TPTE2: variants seen among roughly 807,000 people sequenced by gnomAD.
The protein encoded by TPTE2 is phosphatidylinositol 3,4,5-trisphosphate 3-phosphatase TPTE2.
Under a neutral mutation model 78.6 loss-of-function variants are expected in TPTE2, and 53 were observed. The ratio of observed to expected loss-of-function variants is 0.67; its 90% CI spans 0.54 to 0.85. The LOEUF (loss-of-function observed/expected upper bound fraction) is 0.85. Ranked by LOEUF, TPTE2 falls within the 40% of genes least tolerant of loss-of-function variation. The pLI is 0.00. For synonymous variants in TPTE2, 175 were observed against 206.2 expected, an observed-to-expected ratio of 0.85 and a Z score of 1.30; for missense variants, 461 against 623.0, an observed-to-expected ratio of 0.74 and a Z score of 2.77.
chr13:19,541,185 C>T (rs1178052678), upstream of TPTE2, among the ~76,000 whole-genome samples: 5 of 152,308 alleles, frequency 3.3e-5, no homozygotes, highest in South Asian at 6.2e-4. Context: ...TGCCAGGTGG[C>T]TCATTCACAG....
chr13:19,467,366 A>T (rs750692955), intron 6 of TPTE2, 22 bp from the exon 10 acceptor site: 1 of 1,469,314 alleles, frequency 6.8e-7, no homozygotes, highest in Admixed American at 2.8e-5. Flanking sequence ...AAAAAAAAAA[A>T]AAAAAGTTCA....
At chr13:19,429,260 C>T (rs533848794) in intron 17 of TPTE2, among the ~76,000 whole-genome samples, 5 of 152,294 alleles carry the variant, frequency 3.3e-5, no homozygotes, top group East Asian at 3.9e-4. Flanking sequence ...CAGAAATCTA[C>T]GCTGAGCAAA....
upstream of TPTE2, among the ~76,000 whole-genome samples, chr13:19,539,199 T>G (rs1424421356): frequency 6.6e-6 from 1 of 152,052 alleles, no homozygotes; most frequent in Non-Finnish European, 1.5e-5. Flanking sequence ...GGATTAAGGG[T>G]CAACATGAGT....
At chr13:19,488,243 A>G (rs1880775341) in intron 3 of TPTE2, among the ~76,000 whole-genome samples, 1 of 152,214 alleles carries the variant, frequency 6.6e-6, no homozygotes, top group African/African-American at 2.4e-5. Flanking sequence ...TTGATTTAGC[A>G]TAATTCGTAA....
At chr13:19,493,124 G>A (rs1881096752) in intron 2 of TPTE2, among the ~76,000 whole-genome samples, 1 of 150,860 alleles carries the variant, frequency 6.6e-6, no homozygotes, top group Non-Finnish European at 1.5e-5. Context: ...CTCCACCAAA[G>A]AAGGATGCAA....
intron 1 of TPTE2, among the ~76,000 whole-genome samples, chr13:19,499,921 AAAG>A (rs1169549270): frequency 7.6e-5 from 11 of 145,256 alleles, no homozygotes; most frequent in African/African-American, 3.0e-4. Context: ...ATAAAGAAAA[AAAG>A]AGAGAAGAAT....
chr13:19,491,607 C>G (rs1384291275), intron 3 of TPTE2, among the ~76,000 whole-genome samples: 1 of 152,042 alleles, frequency 6.6e-6, no homozygotes, highest in African/African-American at 2.4e-5. Context: ...GGGTGGATCA[C>G]GAGGGCAGGA....
chr13:19,515,835 G>T (rs1869757630), intron 1 of TPTE2, among the ~76,000 whole-genome samples: 1 of 152,170 alleles, frequency 6.6e-6, no homozygotes, highest in African/African-American at 2.4e-5. Context: ...CTGAGGAAGA[G>T]AACTGGAAGA....
At chr13:19,442,233 T>C (rs1285073630) in intron 13 of TPTE2, among the ~76,000 whole-genome samples, 1 of 152,020 alleles carries the variant, frequency 6.6e-6, no homozygotes. Context: ...ATACATAGTA[T>C]GTTCTGTGTC....
intron 14 of TPTE2, 38 bp downstream of exon 17, chr13:19,438,054 A>T: frequency 6.3e-7 from 1 of 1,596,796 alleles, no homozygotes; most frequent in South Asian, 1.1e-5. Context: ...AGCAAACTCA[A>T]TCATCATAAG....
intron 10 of TPTE2, among the ~76,000 whole-genome samples, chr13:19,455,614 C>T (rs1878494914): frequency 6.6e-6 from 1 of 152,104 alleles, no homozygotes; most frequent in Admixed American, 6.6e-5. Flanking sequence ...AAAGACATTT[C>T]AGGAAAGAAA....
chr13:19,561,563 G>A, the TPTE2 span, among the ~76,000 whole-genome samples: 2 of 152,200 alleles, frequency 1.3e-5, no homozygotes, highest in Non-Finnish European at 2.9e-5. Context: ...CCGTTGCGAT[G>A]ACCTTTGACC....
In TPTE2 at chr13:19,439,386, T is replaced by C. The variant is rs559254540; in HGVS notation, c.974-1233A>G. On this transcript the variant is annotated intron_variant, in intron 13 of 19. Coordinates refer to ENST00000400230, the Ensembl canonical transcript of TPTE2. ...AGACCCTACCCAGCATGCTCTACAG[T>C]CACACCCTCTAGGGAGAAGGGAAAG... 1.0e-3 allele frequency among the ~76,000 whole-genome samples: 153 copies of C among 150,972 alleles called. 1 individual carries two copies. The highest frequency in any genetic ancestry group is 2.7e-3 in the East Asian group (14 of 5,122).
intron 15 of TPTE2, among the ~76,000 whole-genome samples, chr13:19,435,678 C>T (rs956700947): frequency 5.9e-5 from 9 of 151,886 alleles, no homozygotes; most frequent in Non-Finnish European, 1.0e-4. Context: ...GTCTGGGATA[C>T]AGAAGGGGTT....
At chr13:19,516,148 A>C (rs1869776729) in intron 1 of TPTE2, among the ~76,000 whole-genome samples, 1 of 152,234 alleles carries the variant, frequency 6.6e-6, no homozygotes, top group African/African-American at 2.4e-5. Context: ...GAGCAACCAC[A>C]GAAGTTTGAG....
chr13:19,457,215 T>C (rs1468523321), intron 10 of TPTE2, among the ~76,000 whole-genome samples: 1 of 152,146 alleles, frequency 6.6e-6, no homozygotes, highest in Non-Finnish European at 1.5e-5. Flanking sequence ...GTTACATGCA[T>C]ATATACTCAG....
rs1876259488 is a variant in TPTE2 at position 19,427,950 on chromosome 13, C to T, written c.1303-1433G>A. Among the ~76,000 whole-genome samples the T allele has an allele frequency of 2.0e-5, 3 of 152,172 alleles. No homozygotes were observed. In the South Asian group the frequency reaches 6.2e-4, roughly 31 times the overall value. ...TTTAAGAAACAATAGTAGAATGGTA[C>T]ATAACTCAATCTGTATGACAAAGAC... On this transcript the variant is annotated intron_variant, in intron 17 of 19. Coordinates refer to ENST00000400230, the Ensembl canonical transcript of TPTE2.
At chr13:19,540,952 T>C (rs2137766653), upstream of TPTE2, among the ~76,000 whole-genome samples, 2 of 152,350 alleles carry the variant, frequency 1.3e-5, no homozygotes, top group South Asian at 4.1e-4. Context: ...AAACATGCAC[T>C]TATTTTCTCA....
At chr13:19,528,996 A>G (rs1870697522) in intron 1 of TPTE2, among the ~76,000 whole-genome samples, 1 of 152,130 alleles carries the variant, frequency 6.6e-6, no homozygotes, top group African/African-American at 2.4e-5. Flanking sequence ...GCATGTGCCT[A>G]TAGTTCCAGC....
Sources: gnomAD v4.1 joint callset for allele counts (sites outside exome capture counted in the v4.1 genomes callset) on GRCh38, gnomAD v4.1.1 for gene constraint, MANE v1.5 for transcripts, NCBI Gene and HGNC (gene_info 2026-07-23, HGNC 2026-07-21) for gene names.